Variants in FUBP1 observed in about 807,000 individuals in gnomAD.
The protein encoded by FUBP1 is far upstream element-binding protein 1.
Under a neutral mutation model 94.9 loss-of-function variants are expected in FUBP1, and 16 were observed. The ratio of observed to expected loss-of-function variants is 0.17; its 90% CI spans 0.11 to 0.26. FUBP1 has a LOEUF of 0.26. Ranked by LOEUF, FUBP1 falls within the 10% of genes least tolerant of loss-of-function variation. The pLI is 1.00. For missense variants in FUBP1, 583 were observed against 808.6 expected (o/e 0.72, Z 3.38); for synonymous variants, 279 against 254.9 (o/e 1.09, Z -0.90).
At chr1:77,972,631 G>A (rs924595923) in intron 1 of FUBP1, among the ~76,000 whole-genome samples, 1 of 150,698 alleles carries the variant, frequency 6.6e-6, no homozygotes. Context: ...GCACAGTGGT[G>A]CGCACCTGTA....
chr1:77,975,389 A>T (rs1298450998), intron 1 of FUBP1, among the ~76,000 whole-genome samples: 1 of 151,588 alleles, frequency 6.6e-6, no homozygotes, highest in Non-Finnish European at 1.5e-5. Context: ...CTCAAATGTT[A>T]GTTTTCACTG....
chr1:77,965,823 T>C (rs1656366219), intron 7 of FUBP1, among the ~76,000 whole-genome samples: 1 of 152,074 alleles, frequency 6.6e-6, no homozygotes, highest in African/African-American at 2.4e-5. Flanking sequence ...CCGAGGTGGG[T>C]GGATCACGAG....
chr1:77,978,927 T>C lies in FUBP1; in HGVS notation c.78A>G (p.Gly26=). The C allele has an allele frequency of 1.2e-6, 2 of 1,613,516 alleles. No individual in the cohort carries two copies. Among genetic ancestry groups the C allele is most frequent in the East Asian group, 2.2e-5 (1 of 44,846 alleles). Residue 26 remains glycine, a synonymous_variant, in exon 1 of 20, where the codon GGA becomes GGG. Coordinates refer to ENST00000370768, the MANE Select transcript of FUBP1 (RefSeq NM_003902.5). ...GGGGGGGGGG[G]VNDAFKDALQ... Reference sequence around the variant, plus strand: ...GTGCATCTTTGAAAGCGTCGTTAACTCCTCCACCACCACCGCCGCCACCAC... The same window carrying C: ...GTGCATCTTTGAAAGCGTCGTTAACCCCTCCACCACCACCGCCGCCACCAC...
Position 77,944,803 on chromosome 1 carries a change from AAAC to A in FUBP1, c.*3960_*3962del, listed in dbSNP as rs1009176403. On this transcript the variant is annotated 3_prime_UTR_variant, in exon 20 of 20. Coordinates refer to ENST00000370768, the MANE Select transcript of FUBP1 (RefSeq NM_003902.5). Reference sequence around the variant, plus strand: ...AAAAGATATATTTTACAATGTTTATAAACAACTAGTATCAAATTACTAGTTTTA... The same window carrying A: ...AAAAGATATATTTTACAATGTTTATAAACTAGTATCAAATTACTAGTTTTA... Among the ~76,000 whole-genome samples, 8 of 152,000 alleles carry A rather than the reference AAAC, an allele frequency of 5.3e-5. No homozygotes were observed. The highest frequency in any genetic ancestry group is 2.0e-4 in the Admixed American group (3 of 15,260).
At chr1:77,963,025 AT>A (rs1655800201) in intron 13 of FUBP1, 95 bp from the exon 14 acceptor site, 1 of 762,238 alleles carries the variant, frequency 1.3e-6, no homozygotes, top group Non-Finnish European at 2.1e-6. Flanking sequence ...GCCATTAAAA[AT>A]ATGGTTTGGT....
At position 77,947,803 on chromosome 1, in the gene FUBP1, G is replaced by A. The variant is rs946730206; in HGVS notation, c.*963C>T. ...ATAAAGAAAAAAAAAAAGCTTGAAC[G>A]TTTCCATACCCCATTTATGTTTCAA... On this transcript the variant is annotated 3_prime_UTR_variant, in exon 20 of 20. Transcript: ENST00000370768. 2.1e-5 allele frequency: 20 copies of A among 946,350 alleles called. No individual in the cohort carries two copies. Among genetic ancestry groups the A allele is most frequent in the East Asian group, 8.8e-5 (2 of 22,800 alleles). 58.6% of individuals were successfully genotyped at this position (946,350 alleles called of 1,614,324 possible).
chr1:77,964,944 T>C lies in FUBP1; in HGVS notation c.661A>G (p.Met221Val). The C allele has an allele frequency of 2.5e-6, 4 of 1,612,414 alleles. No individual in the cohort carries two copies. The African/African-American group carries it at 4.0e-5, about 16-fold the overall frequency. ...LQERAGVKMV[M>V]IQDGPQNTGA... ...GTGTTCTGCGGCCCGTCTTGAATCA[T>C]AACCATTTTAACTCCAGCCCGTTCC... The change falls in exon 9 of 20, where the codon ATG becomes GTG. Residue 221 changes from methionine (M) to valine (V), a missense_variant. By Grantham distance (21) the Met-to-Val change is conservative (BLOSUM62 1). Coordinates refer to ENST00000370768, the MANE Select transcript of FUBP1 (RefSeq NM_003902.5).
At chr1:77,968,612 T>G (rs1477387801) in intron 2 of FUBP1, among the ~76,000 whole-genome samples, 1 of 149,710 alleles carries the variant, frequency 6.7e-6, no homozygotes, top group Non-Finnish European at 1.5e-5. Flanking sequence ...CATATTAAAG[T>G]GTATCTGACA....
intron 1 of FUBP1, among the ~76,000 whole-genome samples, chr1:77,977,880 A>G (rs1658993178): frequency 2.0e-5 from 3 of 152,222 alleles, no homozygotes; most frequent in Admixed American, 2.0e-4. Context: ...ATTTTGACTC[A>G]ATGTTCCTTC....
chr1:77,968,020 G>C (rs762283577), intron 3 of FUBP1, 145 bp downstream of exon 3: 9 of 568,576 alleles, frequency 1.6e-5, no homozygotes, highest in Non-Finnish European at 2.8e-5. Context: ...AGGAGAAAAA[G>C]GTATATATTT....
intron 12 of FUBP1, 138 bp from the exon 13 acceptor site, chr1:77,963,853 T>C (rs1433561709): frequency 3.4e-5 from 25 of 734,644 alleles, no homozygotes; most frequent in Non-Finnish European, 5.1e-5. Context: ...TAATAAGTAA[T>C]AACATTTTTT....
chr1:77,969,786 T>C (rs1657177306), intron 2 of FUBP1, 139 bp downstream of exon 2: 1 of 416,176 alleles, frequency 2.4e-6, no homozygotes, highest in South Asian at 1.0e-4. Flanking sequence ...TTTCCCCCCT[T>C]TTAGGCCAAT....
intron 10 of FUBP1, 141 bp from the exon 11 acceptor site, chr1:77,964,497 G>T: frequency 1.5e-6 from 1 of 664,686 alleles, no homozygotes. Flanking sequence ...ATAGTAAATA[G>T]GGTAACAAGA....
At position 77,967,638 on chromosome 1, in the gene FUBP1, A is replaced by G. The variant is rs1656758708; in HGVS notation, c.279T>C (p.His93=). The stretch of plus-strand genomic sequence containing the variant: ...TCTTGTGACTATACCTTTGCTGCTG[A>G]TGCATCGGTGGTAACTGTGTTCCAA... ...DSFGTQLPPM[H]QQQSRSVMTE... Residue 93 remains histidine (H), a synonymous_variant, in exon 4 of 20, where the codon CAT becomes CAC. Transcript: ENST00000370768. 1 of 1,594,300 alleles carries G rather than the reference A, an allele frequency of 6.3e-7. No individual in the cohort carries two copies. The highest frequency in any genetic ancestry group is 8.6e-7 in the Non-Finnish European group (1 of 1,166,112).
At position 77,944,147 on chromosome 1, in the gene FUBP1, A is replaced by G. The variant is rs1424599545; in HGVS notation, c.*4619T>C. On this transcript the variant is annotated 3_prime_UTR_variant, in exon 20 of 20. Transcript: ENST00000370768. Reference sequence around the variant, plus strand: ...CTTTTACATACAATGTCATTAAAGCAAACTCTAAACCACAGTTGTAAAGTA... The same window carrying G: ...CTTTTACATACAATGTCATTAAAGCGAACTCTAAACCACAGTTGTAAAGTA... 1.6e-5 allele frequency: 3 copies of G among 193,446 alleles called. No individual in the cohort carries two copies. Among genetic ancestry groups the G allele is most frequent in the Non-Finnish European group, 3.2e-5 (3 of 92,530 alleles). 12.0% of individuals were successfully genotyped at this position (193,446 alleles called of 1,614,324 possible).
At chr1:77,965,730 A>G (rs1656347576) in intron 7 of FUBP1, among the ~76,000 whole-genome samples, 1 of 152,226 alleles carries the variant, frequency 6.6e-6, no homozygotes, top group Admixed American at 6.5e-5. Context: ...TGTCAAATGA[A>G]TAACACATTA....
chr1:77,960,758 T>G, intron 14 of FUBP1: 1 of 350,208 alleles, frequency 2.9e-6, no homozygotes, highest in Non-Finnish European at 5.2e-6. Flanking sequence ...AAATTTCCTT[T>G]AGCTTGTTTG....
intron 1 of FUBP1, among the ~76,000 whole-genome samples, chr1:77,977,461 G>C (rs1207626286): frequency 6.6e-6 from 1 of 152,232 alleles, no homozygotes; most frequent in African/African-American, 2.4e-5. Flanking sequence ...GGGAGGCAGA[G>C]GTTGCAGTGG....
chr1:77,965,098 T>C lies in FUBP1; in HGVS notation c.607A>G (p.Lys203Glu). The C allele has an allele frequency of 6.2e-7, 1 of 1,612,244 alleles. No individual in the cohort carries two copies. ...PASKAGLVIG[K>E]GGETIKQLQE... ...AGCTGTTTAATAGTTTCTCCCCCTT[T>C]TCCAATGACTAATCCTGCCTTGCTA... Residue 203 changes from lysine to glutamate, a missense_variant, in exon 8 of 20, where the codon AAA (lysine) becomes GAA (glutamate). Transcript: ENST00000370768.
Sources: gnomAD v4.1 joint callset for allele counts (sites outside exome capture counted in the v4.1 genomes callset) on GRCh38, gnomAD v4.1.1 for gene constraint, MANE v1.5 for transcripts, NCBI Gene and HGNC (gene_info 2026-07-23, HGNC 2026-07-21) for gene names.